The following CNTNAP2 variants were observed in gnomAD, a reference collection of about 807,000 sequenced individuals.
CNTNAP2 encodes the protein contactin associated protein 2, also known as contactin-associated protein-like 2.
Under a neutral mutation model 155.2 loss-of-function variants are expected in CNTNAP2, and 98 were observed. That is an observed-to-expected ratio of 0.63 (90% CI 0.54 to 0.75). The LOEUF is 0.75. Among genes scored for constraint, CNTNAP2 ranks in the 30% least tolerant of loss-of-function variants. CNTNAP2 has a pLI of 0.00. For missense variants in CNTNAP2, 1,727 were observed against 1,688.1 expected, an observed-to-expected ratio of 1.02 and a Z score of -0.40; for synonymous variants, 651 against 631.2, an observed-to-expected ratio of 1.03 and a Z score of -0.47.
intron 15 of CNTNAP2, chr7:148,056,382 T>A (rs1320711649): frequency 6.6e-6 from 1 of 152,218 alleles, no homozygotes; most frequent in Admixed American, 6.5e-5. Context: ...CAGAAATGTT[T>A]CTATCACTTT....
intron 8 of CNTNAP2, among the ~76,000 whole-genome samples, chr7:147,238,961 A>G (rs1446499607): frequency 6.6e-6 from 1 of 152,240 alleles, no homozygotes; most frequent in East Asian, 1.9e-4. Context: ...CAAGAGATTT[A>G]GAGCAACTAA....
At chr7:146,279,281 T>A (rs1800211818) in intron 1 of CNTNAP2, among the ~76,000 whole-genome samples, 1 of 152,182 alleles carries the variant, frequency 6.6e-6, no homozygotes, top group Non-Finnish European at 1.5e-5. Flanking sequence ...GTATCACTAA[T>A]GTAAAATTGT....
chr7:147,472,183 A>G (rs10952685), intron 10 of CNTNAP2, among the ~76,000 whole-genome samples: 114,438 of 147,294 alleles, frequency 0.78, 44,615 homozygotes, highest in African/African-American at 0.86. Flanking sequence ...AGGAGAATCC[A>G]TTGAAGTTTT....
chr7:147,249,731 C>T (rs1259672151), intron 8 of CNTNAP2, among the ~76,000 whole-genome samples: 1 of 150,702 alleles, frequency 6.6e-6, no homozygotes, highest in Non-Finnish European at 1.5e-5. Context: ...AGTCTTCATA[C>T]TAGTCAGAGG....
At chr7:148,327,163 C>T (rs888944588) in intron 21 of CNTNAP2, among the ~76,000 whole-genome samples, 1 of 152,194 alleles carries the variant, frequency 6.6e-6, no homozygotes, top group Non-Finnish European at 1.5e-5. Flanking sequence ...GAAGGGTGGC[C>T]TCACTGCTCC....
intron 9 of CNTNAP2, among the ~76,000 whole-genome samples, chr7:147,337,428 G>A (rs1053058862): frequency 1.3e-5 from 2 of 152,228 alleles, no homozygotes; most frequent in East Asian, 3.9e-4. Context: ...GTTCCTTCAT[G>A]TCTTCAATGT....
intron 10 of CNTNAP2, among the ~76,000 whole-genome samples, chr7:147,411,293 G>A (rs1452956293): frequency 6.6e-6 from 1 of 152,150 alleles, no homozygotes; most frequent in Non-Finnish European, 1.5e-5. Flanking sequence ...TATTTTAATT[G>A]AGCACAAGTT....
chr7:146,426,359 T>G (rs1452809256), intron 1 of CNTNAP2, among the ~76,000 whole-genome samples: 1 of 147,618 alleles, frequency 6.8e-6, no homozygotes, highest in Non-Finnish European at 1.5e-5. Flanking sequence ...CTGGGGTGTT[T>G]CTGTGTGCAC....
chr7:147,221,973 T>C (rs968875787), intron 8 of CNTNAP2, among the ~76,000 whole-genome samples: 3 of 152,326 alleles, frequency 2.0e-5, no homozygotes, highest in African/African-American at 7.2e-5. Flanking sequence ...TTGCTGTTCC[T>C]CTGTAGGTAA....
intron 1 of CNTNAP2, among the ~76,000 whole-genome samples, chr7:146,269,159 G>A (rs949540921): frequency 1.3e-5 from 2 of 152,054 alleles, no homozygotes; most frequent in African/African-American, 4.8e-5. Flanking sequence ...GGCCAACATG[G>A]TCAAACCCCG....
At chr7:147,814,817 T>TCA (rs1798240041) in intron 13 of CNTNAP2, among the ~76,000 whole-genome samples, 2 of 152,212 alleles carry the variant, frequency 1.3e-5, no homozygotes, top group South Asian at 4.2e-4. Context: ...GATGACATGA[T>TCA]TATATATATA....
At chr7:146,872,475 T>C (rs1795333245) in intron 3 of CNTNAP2, among the ~76,000 whole-genome samples, 1 of 152,194 alleles carries the variant, frequency 6.6e-6, no homozygotes, top group Admixed American at 6.6e-5. Context: ...TGCAACTTAA[T>C]TGTAAGTGTC....
chr7:147,832,666 C>T lies in CNTNAP2; in HGVS notation c.2099-70899C>T, dbSNP rs556545055. On this transcript the variant is annotated intron_variant, in intron 13 of 23. Coordinates refer to ENST00000361727, the MANE Select transcript of CNTNAP2 (RefSeq NM_014141.6). ...TATAAAATTATATTTCAATATATTT[C>T]AATATATTATATTTCATATTATATT... Among the ~76,000 whole-genome samples, 965 of 140,996 alleles carry T rather than the reference C, an allele frequency of 6.8e-3. 3 individuals are homozygous for T. The highest frequency in any genetic ancestry group is 0.011 in the Non-Finnish European group (692 of 64,676). The allele number at this position is 140,996 out of a possible 152,430, so 92.5% of individuals were successfully genotyped here. A position where few individuals can be genotyped will look rare whatever the true frequency, so the allele number is the denominator to read the frequency against.
In CNTNAP2 at chr7:146,738,842, T is replaced by G. The variant is rs528203951; in HGVS notation, c.98-35429T>G. 2.6e-3 allele frequency among the ~76,000 whole-genome samples: 339 copies of G among 128,512 alleles called. 1 individual carries two copies. The highest frequency in any genetic ancestry group is 9.8e-3 in the African/African-American group (310 of 31,530). 84.3% of individuals were successfully genotyped at this position (128,512 alleles called of 152,430 possible). A position where few individuals can be genotyped will look rare whatever the true frequency, so the allele number is the denominator to read the frequency against. On this transcript the variant is annotated intron_variant, in intron 1 of 23. Transcript: ENST00000361727. ...GTTATTGGTCTGTTAAGATTTTCTG[T>G]TTTTTTTTTTTCATAATTCACTCTT...
At chr7:146,680,032 T>G (rs1480300827) in intron 1 of CNTNAP2, among the ~76,000 whole-genome samples, 2 of 152,306 alleles carry the variant, frequency 1.3e-5, no homozygotes, top group Non-Finnish European at 2.9e-5. Flanking sequence ...GAACATGTTA[T>G]GTGTCAGAAA....
At chr7:147,702,765 C>T (rs1440395927) in intron 13 of CNTNAP2, among the ~76,000 whole-genome samples, 1 of 151,990 alleles carries the variant, frequency 6.6e-6, no homozygotes, top group Non-Finnish European at 1.5e-5. Flanking sequence ...CCTGTGTAGC[C>T]ACAGAGGGCC....
intron 13 of CNTNAP2, among the ~76,000 whole-genome samples, chr7:147,794,530 G>T (rs1435012616): frequency 1.3e-5 from 2 of 151,548 alleles, no homozygotes; most frequent in African/African-American, 4.8e-5. Context: ...TATATTCCTG[G>T]GTTTGATTTG....
At chr7:147,356,214 G>A (rs1297034827) in intron 9 of CNTNAP2, among the ~76,000 whole-genome samples, 1 of 152,034 alleles carries the variant, frequency 6.6e-6, no homozygotes, top group Non-Finnish European at 1.5e-5. Flanking sequence ...ATGCAGAAAA[G>A]GCCTTTGATA....
At chr7:146,909,119 T>C (rs1211943997) in intron 3 of CNTNAP2, among the ~76,000 whole-genome samples, 8 of 152,156 alleles carry the variant, frequency 5.3e-5, no homozygotes, top group Non-Finnish European at 7.3e-5. Context: ...GTTGAATCTC[T>C]GAATAGATCA....
Sources: allele counts gnomAD v4.1 joint callset (sites outside exome capture counted in the v4.1 genomes callset), GRCh38; gene constraint gnomAD v4.1.1; transcripts MANE v1.5; gene names NCBI Gene and HGNC (gene_info 2026-07-23, HGNC 2026-07-21).